The following ENOX1 variants were observed in gnomAD, a reference collection of about 807,000 sequenced individuals.
ENOX1 encodes the protein candidate growth-related and time keeping constitutive hydroquinone (NADH) oxidase.
A neutral mutation model predicts 82.5 loss-of-function variants in ENOX1; 42 were observed. The observed-to-expected ratio is 0.51, with a 90% CI of 0.40 to 0.66. The LOEUF (loss-of-function observed/expected upper bound fraction) is 0.66, where lower values mean the gene tolerates loss of function less well. Among genes scored for constraint, ENOX1 ranks in the 30% least tolerant of loss-of-function variants. ENOX1 has a pLI of 0.00. For missense variants in ENOX1, 608 were observed against 811.6 expected, an observed-to-expected ratio of 0.75 and a Z score of 3.05; for synonymous variants, 271 against 282.2, an observed-to-expected ratio of 0.96 and a Z score of 0.40.
chr13:43,773,373 C>T (rs901013743), intron 1 of ENOX1, among the ~76,000 whole-genome samples: 1 of 152,130 alleles, frequency 6.6e-6, no homozygotes, highest in Non-Finnish European at 1.5e-5. Flanking sequence ...CAGACAAAAG[C>T]AAAAGCAAAA....
intron 11 of ENOX1, among the ~76,000 whole-genome samples, chr13:43,302,669 T>C (rs146008200): frequency 6.6e-6 from 1 of 152,320 alleles, no homozygotes; most frequent in Non-Finnish European, 1.5e-5. Flanking sequence ...TGTTATATTC[T>C]TTACTAGATT....
intron 2 of ENOX1, among the ~76,000 whole-genome samples, chr13:43,524,093 G>T (rs912827218): frequency 2.6e-5 from 4 of 152,032 alleles, no homozygotes; most frequent in African/African-American, 9.7e-5. Flanking sequence ...TTTCAGGAAG[G>T]CCACCCAACC....
At chr13:43,332,799 T>A (rs1054138270) in intron 9 of ENOX1, among the ~76,000 whole-genome samples, 3 of 151,814 alleles carry the variant, frequency 2.0e-5, no homozygotes, top group African/African-American at 7.3e-5. Flanking sequence ...ATCCAATAAA[T>A]CTCCTGCCTA....
chr13:43,429,069 G>A (rs2055504229), intron 3 of ENOX1, among the ~76,000 whole-genome samples: 1 of 152,154 alleles, frequency 6.6e-6, no homozygotes, highest in Non-Finnish European at 1.5e-5. Flanking sequence ...ACTCTCCTAA[G>A]AAACGTGCAC....
intron 14 of ENOX1, among the ~76,000 whole-genome samples, chr13:43,240,834 T>C (rs1593482482): frequency 6.6e-6 from 1 of 152,248 alleles, no homozygotes; most frequent in African/African-American, 2.4e-5. Flanking sequence ...TGGTTTTGTT[T>C]GCAGCAGGAA....
intron 2 of ENOX1, among the ~76,000 whole-genome samples, chr13:43,578,126 C>T (rs1347669380): frequency 2.6e-5 from 4 of 152,104 alleles, no homozygotes; most frequent in Non-Finnish European, 4.4e-5. Context: ...CACACGACAG[C>T]CATTTGAAAC....
At chr13:43,452,101 G>T (rs1417925540) in intron 3 of ENOX1, among the ~76,000 whole-genome samples, 2 of 141,956 alleles carry the variant, frequency 1.4e-5, no homozygotes, top group Non-Finnish European at 2.9e-5. Flanking sequence ...ACCACAGCAG[G>T]GCTTACAGAT....
intron 9 of ENOX1, among the ~76,000 whole-genome samples, chr13:43,337,709 T>C (rs549825198): frequency 6.6e-6 from 1 of 152,244 alleles, no homozygotes; most frequent in Admixed American, 6.5e-5. Context: ...GCTGTACCTT[T>C]ACATTTATAA....
chr13:43,596,585 G>A (rs868000263), intron 2 of ENOX1, among the ~76,000 whole-genome samples: 2 of 152,146 alleles, frequency 1.3e-5, no homozygotes, highest in South Asian at 4.1e-4. Flanking sequence ...AAATAACCTA[G>A]CATTATTTTT....
intron 5 of ENOX1, among the ~76,000 whole-genome samples, chr13:43,370,664 T>C (rs2051176419): frequency 6.6e-6 from 1 of 152,206 alleles, no homozygotes; most frequent in South Asian, 2.1e-4. Context: ...TTAAGTAACT[T>C]TAGGGCTTGG....
Position 43,553,937 on chromosome 13 carries a change from C to T in ENOX1, c.-218-69785G>A, listed in dbSNP as rs769386689. On this transcript the variant is annotated intron_variant, in intron 2 of 16. Transcript: ENST00000690772. ...CTAATTTTTGTATTTTTAGTAGAGACGGGATTTTGCCATGTTAGTCAGGCT... is the reference window on the plus strand; with the variant it reads ...CTAATTTTTGTATTTTTAGTAGAGATGGGATTTTGCCATGTTAGTCAGGCT... 1.2e-4 allele frequency among the ~76,000 whole-genome samples: 18 copies of T among 152,140 alleles called. No homozygotes were observed. The East Asian group carries it at 2.3e-3, about 20-fold the overall frequency.
At chr13:43,259,537 C>T (rs887109565) in intron 14 of ENOX1, among the ~76,000 whole-genome samples, 1 of 152,094 alleles carries the variant, frequency 6.6e-6, no homozygotes, top group Non-Finnish European at 1.5e-5. Context: ...GGTGCGATCT[C>T]GGCTTACTGC....
intron 3 of ENOX1, among the ~76,000 whole-genome samples, chr13:43,462,905 G>A (rs2057551889): frequency 6.6e-6 from 1 of 152,132 alleles, no homozygotes; most frequent in African/African-American, 2.4e-5. Context: ...TTGTTAATGA[G>A]TCATAGCTAG....
chr13:43,362,405 A>AAAATG (rs1447540564), intron 5 of ENOX1, among the ~76,000 whole-genome samples: 3 of 152,142 alleles, frequency 2.0e-5, no homozygotes, highest in Non-Finnish European at 4.4e-5. Flanking sequence ...GGGTGGCGTG[A>AAAATG]AAATGTTCCC....
chr13:43,396,625 C>T (rs2053169643), intron 5 of ENOX1, among the ~76,000 whole-genome samples: 1 of 152,110 alleles, frequency 6.6e-6, no homozygotes, highest in Non-Finnish European at 1.5e-5. Flanking sequence ...AGGGGATCTG[C>T]CCACCTCAGC....
chr13:43,469,162 G>C (rs753164220), intron 3 of ENOX1, among the ~76,000 whole-genome samples: 10 of 152,036 alleles, frequency 6.6e-5, no homozygotes, highest in Non-Finnish European at 1.2e-4. Context: ...CTAGTTTGTT[G>C]AGCATATTTA....
At chr13:43,242,765 A>G (rs1428111692) in intron 14 of ENOX1, among the ~76,000 whole-genome samples, 2 of 152,248 alleles carry the variant, frequency 1.3e-5, no homozygotes, top group Admixed American at 6.5e-5. Context: ...CCAAGGGGAC[A>G]CATCTCTGGA....
intron 2 of ENOX1, among the ~76,000 whole-genome samples, chr13:43,552,979 G>A (rs964235014): frequency 6.6e-6 from 1 of 152,056 alleles, no homozygotes; most frequent in Admixed American, 6.6e-5. Context: ...ATAAAAAATG[G>A]GAGTTTGTAA....
chr13:43,391,032 T>C (rs1476257679), intron 5 of ENOX1, among the ~76,000 whole-genome samples: 1 of 152,140 alleles, frequency 6.6e-6, no homozygotes, highest in Non-Finnish European at 1.5e-5. Flanking sequence ...CTTATGATAT[T>C]GTTCAACCTT....
Sources: gnomAD v4.1 joint callset for allele counts (sites outside exome capture counted in the v4.1 genomes callset) on GRCh38, gnomAD v4.1.1 for gene constraint, MANE v1.5 for transcripts, NCBI Gene and HGNC (gene_info 2026-07-23, HGNC 2026-07-21) for gene names.